The following PLCZ1 variants were observed in gnomAD, a reference collection of about 807,000 sequenced individuals.
The protein encoded by PLCZ1 is 1-phosphatidylinositol 4,5-bisphosphate phosphodiesterase zeta-1.
Under a neutral mutation model 76.8 loss-of-function variants are expected in PLCZ1, and 64 were observed. That is an observed-to-expected ratio of 0.83 (90% CI 0.68 to 1.03). The LOEUF (loss-of-function observed/expected upper bound fraction) is 1.03. Among genes scored for constraint, PLCZ1 ranks in the 50% least tolerant of loss-of-function variants. The probability of loss-of-function intolerance (pLI) is 0.00; values close to 1 mark genes in which losing one functional copy is unlikely to be tolerated. For missense variants in PLCZ1, 751 were observed against 713.7 expected (o/e 1.05, Z -0.60); for synonymous variants, 248 against 230.8 (o/e 1.07, Z -0.68).
chr12:18,649,298 C>T, the PLCZ1 span, among the ~76,000 whole-genome samples: 8 of 152,202 alleles, frequency 5.3e-5, no homozygotes, highest in East Asian at 1.6e-3. Flanking sequence ...ATTCCATGTT[C>T]CACCTCTCTG....
the PLCZ1 span, among the ~76,000 whole-genome samples, chr12:18,670,612 A>C: frequency 3.3e-5 from 5 of 152,198 alleles, no homozygotes; most frequent in African/African-American, 7.2e-5. Flanking sequence ...CATATAAAGC[A>C]CTTAGGATAA....
chr12:18,715,916 A>G (rs1280593283), intron 5 of PLCZ1: 1 of 152,164 alleles, frequency 6.6e-6, no homozygotes, highest in Non-Finnish European at 1.5e-5. Context: ...TTGTCTTTGT[A>G]TTGGAGAAAT....
chr12:18,649,170 C>T, the PLCZ1 span, among the ~76,000 whole-genome samples: 2 of 152,068 alleles, frequency 1.3e-5, no homozygotes, highest in Non-Finnish European at 2.9e-5. Flanking sequence ...ACCTCAGCAA[C>T]TCCTCCCCTA....
the PLCZ1 span, among the ~76,000 whole-genome samples, chr12:18,677,219 T>C: frequency 6.6e-6 from 1 of 152,068 alleles, no homozygotes; most frequent in South Asian, 2.1e-4. Context: ...TGCACAAATA[T>C]GTGAGCACTT....
the PLCZ1 span, among the ~76,000 whole-genome samples, chr12:18,675,307 A>G: frequency 2.0e-5 from 3 of 152,082 alleles, no homozygotes; most frequent in Non-Finnish European, 4.4e-5. Context: ...GTTTCAAGCC[A>G]CTCTGTTTTG....
intron 9 of PLCZ1, 124 bp from the exon 10 acceptor site, chr12:18,700,074 A>G: frequency 1.3e-6 from 1 of 793,224 alleles, no homozygotes; most frequent in Non-Finnish European, 2.1e-6. Flanking sequence ...TATCTCCTCA[A>G]ACACCATTTG....
intron 6 of PLCZ1, among the ~76,000 whole-genome samples, chr12:18,708,387 C>A (rs766613112): frequency 5.9e-5 from 9 of 152,230 alleles, no homozygotes; most frequent in Admixed American, 1.3e-4. Flanking sequence ...TTGCATATAT[C>A]CATTTTCTTT....
chr12:18,699,745 G>A, intron 10 of PLCZ1, 49 bp downstream of exon 10: 1 of 1,535,486 alleles, frequency 6.5e-7, no homozygotes, highest in Non-Finnish European at 9.0e-7. Flanking sequence ...CCCTAGCAGT[G>A]AATCTAACTC....
chr12:18,700,482 T>A (rs1196360971), intron 9 of PLCZ1, among the ~76,000 whole-genome samples: 1 of 114,016 alleles, frequency 8.8e-6, no homozygotes, highest in Non-Finnish European at 1.7e-5. Context: ...GGTTCTGGGA[T>A]GTGCGCATAA....
At chr12:18,689,567 G>A (rs1953745265) in intron 12 of PLCZ1, among the ~76,000 whole-genome samples, 1 of 152,124 alleles carries the variant, frequency 6.6e-6, no homozygotes, top group African/African-American at 2.4e-5. Flanking sequence ...GGTTTAGGGA[G>A]CATTGATCAA....
chr12:18,732,273 T>C (rs1959093206), intron 3 of PLCZ1, among the ~76,000 whole-genome samples: 1 of 152,054 alleles, frequency 6.6e-6, no homozygotes, highest in African/African-American at 2.4e-5. Context: ...CACCTCAGCC[T>C]CCCAAGTAGC....
chr12:18,712,015 G>A (rs1957402104), intron 6 of PLCZ1, among the ~76,000 whole-genome samples: 1 of 151,992 alleles, frequency 6.6e-6, no homozygotes, highest in Admixed American at 6.6e-5. Context: ...TTAAGTTTAT[G>A]TTGACAGATT....
the PLCZ1 span, chr12:18,647,950 G>A: frequency 6.2e-7 from 1 of 1,600,658 alleles, no homozygotes. Context: ...CTGTATTTGT[G>A]GGAGCAATTA....
At chr12:18,650,392 TACAC>T in the PLCZ1 span, among the ~76,000 whole-genome samples, 1 of 135,742 alleles carries the variant, frequency 7.4e-6, no homozygotes, top group Non-Finnish European at 1.5e-5. Flanking sequence ...TGTCTGTGTA[TACAC>T]ACACATTTTT....
the PLCZ1 span, among the ~76,000 whole-genome samples, chr12:18,672,161 G>A: frequency 5.3e-5 from 8 of 152,230 alleles, no homozygotes; most frequent in African/African-American, 1.7e-4. Flanking sequence ...CATGTTTTAT[G>A]GCTTTATAGT....
chr12:18,653,570 T>G, the PLCZ1 span, among the ~76,000 whole-genome samples: 1 of 152,106 alleles, frequency 6.6e-6, no homozygotes, highest in Non-Finnish European at 1.5e-5. Context: ...TTCACCAAAT[T>G]GTGTTCCTTT....
chr12:18,663,813 T>C, the PLCZ1 span, among the ~76,000 whole-genome samples: 3 of 152,046 alleles, frequency 2.0e-5, no homozygotes, highest in South Asian at 2.1e-4. Flanking sequence ...AAAGGCAATA[T>C]ACAAAATGGA....
At chr12:18,734,862 T>A (rs1959185631) in intron 3 of PLCZ1, among the ~76,000 whole-genome samples, 1 of 152,210 alleles carries the variant, frequency 6.6e-6, no homozygotes, top group Admixed American at 6.5e-5. Context: ...TAGAAAAAAA[T>A]CTTTTCAGTT....
the PLCZ1 span, among the ~76,000 whole-genome samples, chr12:18,676,432 C>A: frequency 6.6e-6 from 1 of 152,062 alleles, no homozygotes; most frequent in Non-Finnish European, 1.5e-5. Flanking sequence ...TACATTGACC[C>A]CTTGCTTCTT....
Sources: allele counts gnomAD v4.1 joint callset (sites outside exome capture counted in the v4.1 genomes callset), GRCh38; gene constraint gnomAD v4.1.1; transcripts MANE v1.5; gene names NCBI Gene and HGNC (gene_info 2026-07-23, HGNC 2026-07-21).